Variants in PCDHGA9 observed in about 807,000 individuals in gnomAD.
PCDHGA9 encodes the protein protocadherin gamma-A9.
PCDHGA9 carries 37 observed loss-of-function variants against 62.5 expected under a neutral mutation model. That is an observed-to-expected ratio of 0.59 (90% confidence interval 0.46 to 0.78). The LOEUF is 0.78. PCDHGA9 is among the 30% of genes least tolerant of loss of function. The probability of loss-of-function intolerance (pLI) is 0.00; values close to 1 mark genes in which losing one functional copy is unlikely to be tolerated. For missense variants in PCDHGA9, 1,138 were observed against 1,166.2 expected, an observed-to-expected ratio of 0.98 and a Z score of 0.35; for synonymous variants, 459 against 484.6, an observed-to-expected ratio of 0.95 and a Z score of 0.69.
At chr5:141,467,114 G>A (rs971182917) in intron 1 of PCDHGA9, among the ~76,000 whole-genome samples, 5 of 149,522 alleles carry the variant, frequency 3.3e-5, no homozygotes, top group South Asian at 2.1e-4. Context: ...GTACAATGGT[G>A]CAATCTCAGC....
intron 1 of PCDHGA9, among the ~76,000 whole-genome samples, chr5:141,444,933 G>A (rs1004890599): frequency 3.3e-5 from 5 of 152,152 alleles, no homozygotes; most frequent in African/African-American, 1.2e-4. Context: ...AAAGAGGGAA[G>A]GAGGGAGGAG....
In PCDHGA9 at chr5:141,485,066, G is replaced by A. The variant is rs907517904; in HGVS notation, c.2425-9741G>A. On this transcript the variant is annotated intron_variant, in intron 1 of 3. Coordinates refer to ENST00000573521, the MANE Select transcript of PCDHGA9 (RefSeq NM_018921.3). This position sits in a 1 kb window ranked among gnomAD's most constrained non-coding sequence, Gnocchi z 5.7. Reference sequence around the variant, plus strand: ...GCGGCGCCGGCCGAACCGCGCCAGAGCTGGCGCGGGGAAAGGGAGATAGGT... The same window carrying A: ...GCGGCGCCGGCCGAACCGCGCCAGAACTGGCGCGGGGAAAGGGAGATAGGT... 1 of 885,622 alleles carries A rather than the reference G, an allele frequency of 1.1e-6. No individual in the cohort carries two copies. Among genetic ancestry groups the A allele is most frequent in the Non-Finnish European group, 1.8e-6 (1 of 559,820 alleles). 54.9% of individuals were successfully genotyped at this position (885,622 alleles called of 1,614,324 possible).
chr5:141,505,343 G>C (rs2099845454), intron 2 of PCDHGA9, 50 bp from the exon 3 acceptor site: 1 of 1,612,934 alleles, frequency 6.2e-7, no homozygotes, highest in Non-Finnish European at 8.5e-7. Context: ...GGAGGGGCAT[G>C]AGCTGTGCCG....
intron 1 of PCDHGA9, chr5:141,441,144 T>C (rs141609485): frequency 6.6e-6 from 1 of 152,296 alleles, no homozygotes; most frequent in African/African-American, 2.4e-5. Context: ...TAGAAGATAA[T>C]GACAATATCC....
rs536313993 is a variant in PCDHGA9, at chr5:141,436,142, T to G, written c.2424+30766T>G. Among the ~76,000 whole-genome samples, 46 of 152,334 alleles carry G rather than the reference T, an allele frequency of 3.0e-4. No homozygotes were observed. The South Asian group carries it at 3.1e-3, about 10-fold the overall frequency. ...CTCTCCTCCATCATCTTGTATGAAC[T>G]ACCAAAATGTTTATCATATGGACAG... On this transcript the variant is annotated intron_variant, in intron 1 of 3. Coordinates refer to ENST00000573521, the MANE Select transcript of PCDHGA9 (RefSeq NM_018921.3).
chr5:141,491,544 C>G lies in PCDHGA9; in HGVS notation c.2425-3263C>G, dbSNP rs546391464. The G allele has an allele frequency of 1.1e-5, 17 of 1,614,018 alleles. No individual in the cohort carries two copies. In the Admixed American group the frequency reaches 1.8e-4, roughly 17 times the overall value. Reference sequence around the variant, plus strand: ...TGGAGGTGACGCTGCGGCCCACAGACTCGCAGAGCCACTGCTACAGGACGT... The same window carrying G: ...TGGAGGTGACGCTGCGGCCCACAGAGTCGCAGAGCCACTGCTACAGGACGT... On this transcript the variant is annotated intron_variant, in intron 1 of 3. Transcript: ENST00000573521. The surrounding 1 kb of genome is among the most constrained non-coding windows in gnomAD (Gnocchi z 6.9).
intron 1 of PCDHGA9, among the ~76,000 whole-genome samples, chr5:141,438,252 G>A (rs1181991674): frequency 6.6e-6 from 1 of 152,072 alleles, no homozygotes. Context: ...AACTGTCATT[G>A]AAGAGACCAT....
intron 1 of PCDHGA9, chr5:141,468,354 GA>G (rs910554966): frequency 7.0e-6 from 1 of 143,440 alleles, no homozygotes. Context: ...AAAAAAGAAA[GA>G]AAAAAGAAAT....
intron 2 of PCDHGA9, among the ~76,000 whole-genome samples, chr5:141,502,152 C>T (rs1306227782): frequency 2.0e-5 from 3 of 152,128 alleles, no homozygotes; most frequent in African/African-American, 4.8e-5. Flanking sequence ...AAGTAAGGAC[C>T]CCAGATATTC....
At position 141,432,203 on chromosome 5, in the gene PCDHGA9, G is replaced by A. The variant is rs1282888078; in HGVS notation, c.2424+26827G>A. The A allele has an allele frequency of 3.1e-6, 5 of 1,614,062 alleles. No homozygotes were observed. The highest frequency in any genetic ancestry group is 1.3e-5 in the African/African-American group (1 of 74,920). ...TGTGACCGCCCACGACCCCGACTGT[G>A]AAGAGAACGCCCAGATCACTTATTC... On this transcript the variant is annotated intron_variant, in intron 1 of 3. Transcript: ENST00000573521. The surrounding 1 kb of genome is among the most constrained non-coding windows in gnomAD (Gnocchi z 6.0).
chr5:141,405,370 G>C lies in PCDHGA9; in HGVS notation c.2418G>C (p.Leu806Phe). The change falls in exon 1 of 4, where the codon TTG (leucine) becomes TTC (phenylalanine). Residue 806 changes from leucine to phenylalanine, a missense_variant. Transcript: ENST00000573521. ...AGTTTCCTATAGAAGACACCCCTTT[G>C]GTTCCGGTGAGTTCATTTTTTTTCT... ...DSKFPIEDTP[L>F]VPQAPPNTDW... The C allele has an allele frequency of 6.2e-7, 1 of 1,606,236 alleles. No individual in the cohort carries two copies. Among genetic ancestry groups the C allele is most frequent in the Non-Finnish European group, 8.5e-7 (1 of 1,177,940 alleles).
intron 1 of PCDHGA9, among the ~76,000 whole-genome samples, chr5:141,443,905 A>G (rs963772369): frequency 6.6e-6 from 1 of 152,204 alleles, no homozygotes; most frequent in Admixed American, 6.5e-5. Context: ...TAGTAGGAAA[A>G]TTCATAAAAG....
At position 141,486,996 on chromosome 5, in the gene PCDHGA9, A is replaced by G; in HGVS notation, c.2425-7811A>G. ...TCAGGTTACAATGCTTGGGTTTCCT[A>G]TCAGCTCCTGGAGGCCCCAGATCCC... On this transcript the variant is annotated intron_variant, in intron 1 of 3. Coordinates refer to ENST00000573521, the MANE Select transcript of PCDHGA9 (RefSeq NM_018921.3). This position sits in a 1 kb window ranked among gnomAD's most constrained non-coding sequence, Gnocchi z 5.0. 6.2e-7 allele frequency: 1 copy of G among 1,614,152 alleles called. No individual in the cohort carries two copies. Among genetic ancestry groups the G allele is most frequent in the Non-Finnish European group, 8.5e-7 (1 of 1,180,032 alleles).
rs374575578 is a variant in PCDHGA9 at position 141,409,643 on chromosome 5, T to G, written c.2424+4267T>G. 4.3e-6 allele frequency: 7 copies of G among 1,613,620 alleles called. No homozygotes were observed. The African/African-American group carries it at 8.0e-5, about 18-fold the overall frequency. ...GCAAGTGAGCGCCTCTGACCCGGAT[T>G]TGGGGCTCAATGGCCACATCTCCTA... On this transcript the variant is annotated intron_variant, in intron 1 of 3. Coordinates refer to ENST00000573521, the MANE Select transcript of PCDHGA9 (RefSeq NM_018921.3).
rs1247556723 is a variant in PCDHGA9 at position 141,489,841 on chromosome 5, G to A, written c.2425-4966G>A. 6.2e-7 allele frequency: 1 copy of A among 1,614,224 alleles called. No individual in the cohort carries two copies. The highest frequency in any genetic ancestry group is 1.7e-5 in the Admixed American group (1 of 60,032). On this transcript the variant is annotated intron_variant, in intron 1 of 3. Coordinates refer to ENST00000573521, the MANE Select transcript of PCDHGA9 (RefSeq NM_018921.3). The surrounding 1 kb of genome is among the most constrained non-coding windows in gnomAD (Gnocchi z 4.5). Reference sequence around the variant, plus strand: ...AGAGCTGGTGCTAGAGCAGCAGCTGGATCGTGAAGCCCAGGCAAGACATCA... The same window carrying A: ...AGAGCTGGTGCTAGAGCAGCAGCTGAATCGTGAAGCCCAGGCAAGACATCA...
In PCDHGA9 at chr5:141,489,200, G is replaced by A. The variant is rs1483035320; in HGVS notation, c.2425-5607G>A. The A allele has an allele frequency of 2.8e-6, 4 of 1,412,792 alleles. No individual in the cohort carries two copies. The highest frequency in any genetic ancestry group is 3.9e-6 in the Non-Finnish European group (4 of 1,038,374). The allele number at this position is 1,412,792 out of a possible 1,614,324, so 87.5% of individuals were successfully genotyped here. A position where few individuals can be genotyped will look rare whatever the true frequency, so the allele number is the denominator to read the frequency against. On this transcript the variant is annotated intron_variant, in intron 1 of 3. Coordinates refer to ENST00000573521, the MANE Select transcript of PCDHGA9 (RefSeq NM_018921.3). This position sits in a 1 kb window ranked among gnomAD's most constrained non-coding sequence, Gnocchi z 4.5. ...AAGCCCTGGGTCTACCTTGGAGACAGGACAGCACAGACTTACTCTCCACAA... is the reference window on the plus strand; with the variant it reads ...AAGCCCTGGGTCTACCTTGGAGACAAGACAGCACAGACTTACTCTCCACAA...
chr5:141,410,091 G>C (rs778509378), intron 1 of PCDHGA9: 8 of 1,612,400 alleles, frequency 5.0e-6, no homozygotes, highest in South Asian at 1.1e-5. Context: ...CGCACGGCTC[G>C]AGCCTTAGGC....
chr5:141,490,215 G>C lies in PCDHGA9; in HGVS notation c.2425-4592G>C. 6.2e-7 allele frequency: 1 copy of C among 1,614,254 alleles called. No individual in the cohort carries two copies. Among genetic ancestry groups the C allele is most frequent in the African/African-American group, 1.3e-5 (1 of 75,078 alleles). On this transcript the variant is annotated intron_variant, in intron 1 of 3. Coordinates refer to ENST00000573521, the MANE Select transcript of PCDHGA9 (RefSeq NM_018921.3). The surrounding 1 kb of genome is among the most constrained non-coding windows in gnomAD (Gnocchi z 5.4). ...AAATTCATGCAAGAGCCCGTGACCA[G>C]GGACAGCCTGCCATGGAGGGCCACT... is the stretch of plus-strand genomic sequence containing the variant.
intron 1 of PCDHGA9, among the ~76,000 whole-genome samples, chr5:141,494,399 T>A (rs2099754028): frequency 6.6e-6 from 1 of 152,146 alleles, no homozygotes; most frequent in South Asian, 2.1e-4. Context: ...ATAAATTCAT[T>A]CTAGGGCTGG....
Sources: gnomAD v4.1 joint callset for allele counts (sites outside exome capture counted in the v4.1 genomes callset) on GRCh38, gnomAD v4.1.1 for gene constraint, Gnocchi (gnomAD v3.1) non-coding constraint, MANE v1.5 for transcripts, NCBI Gene and HGNC (gene_info 2026-07-23, HGNC 2026-07-21) for gene names.